HS6ST3: variants seen among roughly 807,000 people sequenced by gnomAD.
HS6ST3 encodes the protein heparan-sulfate 6-O-sulfotransferase 3.
In HS6ST3, 12 loss-of-function variants were observed where a neutral mutation model predicts 36.7. That is an observed-to-expected ratio of 0.33 (90% CI 0.21 to 0.53). The LOEUF is 0.53. Among genes scored for constraint, HS6ST3 ranks in the 20% least tolerant of loss-of-function variants. HS6ST3 has a pLI of 0.95. For missense variants in HS6ST3, 584 were observed against 640.9 expected, an observed-to-expected ratio of 0.91 and a Z score of 0.96; for synonymous variants, 240 against 257.5, an observed-to-expected ratio of 0.93 and a Z score of 0.65.
chr13:96,188,554 C>G (rs1161481158), intron 1 of HS6ST3, among the ~76,000 whole-genome samples: 1 of 152,124 alleles, frequency 6.6e-6, no homozygotes, highest in East Asian at 1.9e-4. Flanking sequence ...ATCAGTAAAA[C>G]AGAGATAATA....
chr13:96,487,150 G>C (rs1566374956), intron 1 of HS6ST3, among the ~76,000 whole-genome samples: 2 of 152,062 alleles, frequency 1.3e-5, no homozygotes, highest in South Asian at 4.1e-4. Flanking sequence ...TGTTTTTACA[G>C]AAGTATAAAA....
At position 96,619,838 on chromosome 13, in the gene HS6ST3, G is replaced by T. The variant is rs577004792; in HGVS notation, c.708-212652G>T. Among the ~76,000 whole-genome samples the T allele has an allele frequency of 6.6e-5, 10 of 152,226 alleles. No homozygotes were observed. In the East Asian group the frequency reaches 1.9e-3, roughly 29 times the overall value. The stretch of plus-strand genomic sequence containing the variant: ...TGCACCCTTACAGCTTCCTTTTTGG[G>T]TAGGTTGGACAAGGTTGACAGTTGG... On this transcript the variant is annotated intron_variant, in intron 1 of 1. Transcript: ENST00000376705.
At chr13:96,699,476 G>T (rs1875226743) in intron 1 of HS6ST3, among the ~76,000 whole-genome samples, 1 of 152,170 alleles carries the variant, frequency 6.6e-6, no homozygotes, top group Non-Finnish European at 1.5e-5. Context: ...CATTTATGCA[G>T]CCAACGGACA....
chr13:96,729,651 G>A (rs1413263665), intron 1 of HS6ST3, among the ~76,000 whole-genome samples: 1 of 150,646 alleles, frequency 6.6e-6, no homozygotes, highest in African/African-American at 2.4e-5. Context: ...TTTTTTAGTA[G>A]AGCCAAAGTT....
At chr13:96,223,070 G>A (rs1046187227) in intron 1 of HS6ST3, among the ~76,000 whole-genome samples, 1 of 152,198 alleles carries the variant, frequency 6.6e-6, no homozygotes, top group African/African-American at 2.4e-5. Context: ...ATGTGTTTGT[G>A]TTTTAAGTGA....
chr13:96,340,771 T>C (rs539086371), intron 1 of HS6ST3, among the ~76,000 whole-genome samples: 17 of 152,370 alleles, frequency 1.1e-4, no homozygotes, highest in Admixed American at 2.6e-4. Context: ...CTATTCTATA[T>C]AAGAGATGGT....
intron 1 of HS6ST3, among the ~76,000 whole-genome samples, chr13:96,533,122 T>A (rs1249393617): frequency 1.3e-5 from 2 of 152,230 alleles, no homozygotes; most frequent in Non-Finnish European, 2.9e-5. Context: ...TCAATGTTTG[T>A]AGCTTCATTC....
At chr13:96,775,655 T>C (rs1282632335) in intron 1 of HS6ST3, among the ~76,000 whole-genome samples, 1 of 151,946 alleles carries the variant, frequency 6.6e-6, no homozygotes, top group Non-Finnish European at 1.5e-5. Flanking sequence ...TAAATATATA[T>C]CCACCCAATA....
chr13:96,516,519 A>T (rs1340747874), intron 1 of HS6ST3, among the ~76,000 whole-genome samples: 1 of 152,234 alleles, frequency 6.6e-6, no homozygotes, highest in African/African-American at 2.4e-5. Context: ...GTCACAAAAA[A>T]TAGCAAAACA....
Position 96,799,952 on chromosome 13 carries a change from A to ATATATATGTGTGTATATATATATATACG in HS6ST3, c.708-32531_708-32530insGTGTGTATATATATATATACGTATATAT, listed in dbSNP as rs1878007833. Among the ~76,000 whole-genome samples the ATATATATGTGTGTATATATATATATACG allele has an allele frequency of 4.2e-5, 4 of 94,514 alleles. No individual in the cohort carries two copies. The South Asian group carries it at 1.1e-3, about 25-fold the overall frequency. 62.0% of individuals were successfully genotyped at this position (94,514 alleles called of 152,430 possible). ...AATACATATATGTGTGTGTATATATATATATATATATGTGTATATATATAT... is the reference window on the plus strand; with the variant it reads ...AATACATATATGTGTGTGTATATATATATATATGTGTGTATATATATATATACGTATATATATATGTGTATATATATAT... On this transcript the variant is annotated intron_variant, in intron 1 of 1. Coordinates refer to ENST00000376705, the MANE Select transcript of HS6ST3 (RefSeq NM_153456.4).
intron 1 of HS6ST3, among the ~76,000 whole-genome samples, chr13:96,338,956 CAAA>C (rs1345151892): frequency 6.6e-6 from 1 of 151,980 alleles, no homozygotes; most frequent in Non-Finnish European, 1.5e-5. Context: ...TTTCTGGGTT[CAAA>C]AATTGGTGAT....
At chr13:96,623,346 C>T (rs1463566846) in intron 1 of HS6ST3, among the ~76,000 whole-genome samples, 1 of 152,060 alleles carries the variant, frequency 6.6e-6, no homozygotes, top group African/African-American at 2.4e-5. Context: ...AGGGACAGAT[C>T]CTCATTTTTA....
At chr13:96,293,051 C>T (rs2054837909) in intron 1 of HS6ST3, among the ~76,000 whole-genome samples, 1 of 151,232 alleles carries the variant, frequency 6.6e-6, no homozygotes, top group African/African-American at 2.4e-5. Flanking sequence ...CACCTCCACC[C>T]CCAAATCAAT....
intron 1 of HS6ST3, among the ~76,000 whole-genome samples, chr13:96,095,950 C>T (rs1019908265): frequency 1.1e-4 from 16 of 150,908 alleles, no homozygotes; most frequent in Non-Finnish European, 1.6e-4. Flanking sequence ...CTGGATGGAC[C>T]ACTGGATTCT....
chr13:96,482,665 A>G (rs1393826156), intron 1 of HS6ST3, among the ~76,000 whole-genome samples: 2 of 152,116 alleles, frequency 1.3e-5, no homozygotes, highest in Non-Finnish European at 2.9e-5. Flanking sequence ...CCATCCAGCA[A>G]TTGTCCTTCG....
intron 1 of HS6ST3, among the ~76,000 whole-genome samples, chr13:96,691,216 G>A (rs183794633): frequency 1.4e-4 from 22 of 152,262 alleles, no homozygotes; most frequent in South Asian, 8.3e-4. Context: ...TGATTGATAA[G>A]TTGTCACAGG....
chr13:96,548,523 G>A (rs7323929), intron 1 of HS6ST3, among the ~76,000 whole-genome samples: 16,944 of 152,156 alleles, frequency 0.11, 1,828 homozygotes, highest in African/African-American at 0.28. Context: ...AGATTCTCCA[G>A]AGAAACAGAA....
At chr13:96,480,183 G>A (rs959891443) in intron 1 of HS6ST3, among the ~76,000 whole-genome samples, 1 of 152,062 alleles carries the variant, frequency 6.6e-6, no homozygotes, top group African/African-American at 2.4e-5. Flanking sequence ...GCATGATTTC[G>A]GCTCACTGCA....
intron 1 of HS6ST3, among the ~76,000 whole-genome samples, chr13:96,235,117 T>C (rs2054528098): frequency 1.3e-5 from 2 of 152,124 alleles, no homozygotes; most frequent in South Asian, 4.2e-4. Flanking sequence ...TGTAGAAGAA[T>C]CTTTAATGTT....
Sources: allele counts gnomAD v4.1 joint callset (sites outside exome capture counted in the v4.1 genomes callset), GRCh38; gene constraint gnomAD v4.1.1; transcripts MANE v1.5; gene names NCBI Gene and HGNC (gene_info 2026-07-23, HGNC 2026-07-21).